The following NECTIN3 variants were observed in gnomAD, a reference collection of about 807,000 sequenced individuals.
NECTIN3 encodes nectin-3.
A neutral mutation model predicts 49.4 loss-of-function variants in NECTIN3; 8 were observed. The observed-to-expected ratio is 0.16, with a 90% CI of 0.10 to 0.29. NECTIN3 has a LOEUF of 0.29. NECTIN3 is among the 10% of genes least tolerant of loss of function. The pLI, the probability that NECTIN3 is intolerant of heterozygous loss-of-function variation, is 1.00. For synonymous variants in NECTIN3, 277 were observed against 241.1 expected, an observed-to-expected ratio of 1.15 and a Z score of -1.38; for missense variants, 581 against 654.6, an observed-to-expected ratio of 0.89 and a Z score of 1.23.
At chr3:111,160,788 A>C (rs932479226) in intron 7 of NECTIN3, among the ~76,000 whole-genome samples, 25 of 152,304 alleles carry the variant, frequency 1.6e-4, no homozygotes, top group African/African-American at 6.0e-4. Flanking sequence ...CAGGCGGATC[A>C]CGAGGTCGGG....
chr3:111,073,402 T>C (rs1177122690), intron 1 of NECTIN3: 1 of 152,302 alleles, frequency 6.6e-6, no homozygotes, highest in East Asian at 1.9e-4. Context: ...TGGGATTGAG[T>C]GTCTCTTCTG....
intron 6 of NECTIN3, among the ~76,000 whole-genome samples, chr3:111,146,797 CTT>C (rs2034886201): frequency 2.0e-5 from 3 of 152,128 alleles, no homozygotes; most frequent in Admixed American, 6.5e-5. Flanking sequence ...TTAAAACTAT[CTT>C]TGTTATAAGT....
At chr3:111,114,910 G>T (rs2107455634) in intron 2 of NECTIN3, among the ~76,000 whole-genome samples, 1 of 152,180 alleles carries the variant, frequency 6.6e-6, no homozygotes, top group South Asian at 2.1e-4. Context: ...AGGGCTAACG[G>T]CAGGACTTAA....
At chr3:111,081,327 C>T (rs1003452268) in intron 1 of NECTIN3, among the ~76,000 whole-genome samples, 1 of 152,162 alleles carries the variant, frequency 6.6e-6, no homozygotes, top group African/African-American at 2.4e-5. Context: ...AAACCACAAC[C>T]CTACAAAGCA....
At chr3:111,175,032 G>C (rs2035501619) in intron 7 of NECTIN3, among the ~76,000 whole-genome samples, 1 of 152,178 alleles carries the variant, frequency 6.6e-6, no homozygotes, top group African/African-American at 2.4e-5. Flanking sequence ...ATGGGGAGCT[G>C]GCAGCGGGGA....
At chr3:111,138,567 A>G (rs555548850), downstream of NECTIN3, among the ~76,000 whole-genome samples, 5 of 151,682 alleles carry the variant, frequency 3.3e-5, no homozygotes, top group South Asian at 8.3e-4. Flanking sequence ...TTTGCCTTGT[A>G]TTCCCTTAGG....
At position 111,118,668 on chromosome 3, in the gene NECTIN3, T is replaced by C; in HGVS notation, c.515T>C (p.Val172Ala). Reference sequence around the variant, plus strand: ...AATATTTAAACAGTTGAACCCACTGTGAGCCTGATAAAAGGGCCAGATTCT... The same window carrying C: ...AATATTTAAACAGTTGAACCCACTGCGAGCCTGATAAAAGGGCCAGATTCT... The part of the protein sequence containing the change: ...TTVTVLVEPT[V>A]SLIKGPDSLI... Residue 172 changes from valine (V) to alanine (A), a missense_variant, in exon 3 of 6, where the codon GTG becomes GCG. Val to Ala is a moderately conservative substitution (Grantham distance 64, BLOSUM62 0). Coordinates refer to ENST00000485303, the MANE Select transcript of NECTIN3 (RefSeq NM_015480.3). 1 of 1,599,426 alleles carries C rather than the reference T, an allele frequency of 6.3e-7. No individual in the cohort carries two copies. The highest frequency in any genetic ancestry group is 8.5e-7 in the Non-Finnish European group (1 of 1,171,820).
rs76078145 is a variant in NECTIN3 at position 111,076,467 on chromosome 3, A to G, written c.160+4290A>G. On this transcript the variant is annotated intron_variant, in intron 1 of 5. Coordinates refer to ENST00000485303, the MANE Select transcript of NECTIN3 (RefSeq NM_015480.3). ...TAAAAATCAAATAACAGTTAAGTCA[A>G]TAATGAAACTTTAAAGACAGTTTTG... Among the ~76,000 whole-genome samples, 680 of 152,266 alleles carry G rather than the reference A, an allele frequency of 4.5e-3. 6 individuals are homozygous for G. The highest frequency in any genetic ancestry group is 0.015 in the African/African-American group (631 of 41,570).
intron 5 of NECTIN3, among the ~76,000 whole-genome samples, chr3:111,129,954 ATTT>A (rs547491944): frequency 3.8e-5 from 5 of 131,552 alleles, no homozygotes; most frequent in Admixed American, 1.5e-4. Context: ...CCAGCAGAGA[ATTT>A]TTTTTTTTTT....
intron 7 of NECTIN3, among the ~76,000 whole-genome samples, chr3:111,148,956 A>G (rs2034940970): frequency 6.6e-6 from 1 of 152,076 alleles, no homozygotes; most frequent in Non-Finnish European, 1.5e-5. Flanking sequence ...TCCTTGAACT[A>G]GAATGTAGAA....
rs559149430 is a variant in NECTIN3, at chr3:111,176,687, G to A, written c.1222-15664G>A. On this transcript the variant is annotated intron_variant, in intron 7 of 8. Transcript: ENST00000493615. ...TTTATTTTCTTTTTTTTTTCTTCTGGGAAAATGTTGAAAAATATCATTCAA... is the reference window on the plus strand; with the variant it reads ...TTTATTTTCTTTTTTTTTTCTTCTGAGAAAATGTTGAAAAATATCATTCAA... Among the ~76,000 whole-genome samples the A allele has an allele frequency of 2.0e-5, 3 of 150,668 alleles. No homozygotes were observed. The South Asian group carries it at 6.3e-4, about 32-fold the overall frequency.
At chr3:111,184,899 CT>C (rs2035691621) in intron 7 of NECTIN3, among the ~76,000 whole-genome samples, 1 of 152,208 alleles carries the variant, frequency 6.6e-6, no homozygotes, top group African/African-American at 2.4e-5. Flanking sequence ...TCTTCTAGAG[CT>C]ACTTTAGCCT....
At chr3:111,096,982 C>T (rs2032623659) in intron 1 of NECTIN3, among the ~76,000 whole-genome samples, 1 of 152,166 alleles carries the variant, frequency 6.6e-6, no homozygotes, top group South Asian at 2.1e-4. Context: ...AGAAGAGGGC[C>T]ACTGTCCTCC....
upstream of NECTIN3, among the ~76,000 whole-genome samples, chr3:111,192,173 T>A (rs1219896463): frequency 6.6e-6 from 1 of 152,156 alleles, no homozygotes; most frequent in East Asian, 1.9e-4. Context: ...CAGGAGAGAG[T>A]GAGTGAAACT....
At chr3:111,126,093 C>G (rs2107478418) in intron 4 of NECTIN3, 91 bp from the exon 5 acceptor site, 3 of 880,002 alleles carry the variant, frequency 3.4e-6, no homozygotes, top group Non-Finnish European at 4.7e-6. Context: ...TTTTGACTAA[C>G]ATCTCAAACA....
chr3:111,158,364 G>T (rs1047588611), intron 7 of NECTIN3, among the ~76,000 whole-genome samples: 1 of 151,992 alleles, frequency 6.6e-6, no homozygotes. Context: ...TTTACGGAAG[G>T]TAATAATCTC....
intron 3 of NECTIN3, among the ~76,000 whole-genome samples, chr3:111,121,602 C>A (rs1053484665): frequency 6.6e-6 from 1 of 152,058 alleles, no homozygotes; most frequent in Non-Finnish European, 1.5e-5. Context: ...TCTCTACATG[C>A]CCCCAATATA....
At chr3:111,172,277 A>G (rs1045147266) in intron 7 of NECTIN3, among the ~76,000 whole-genome samples, 9 of 152,172 alleles carry the variant, frequency 5.9e-5, no homozygotes, top group Non-Finnish European at 8.8e-5. Context: ...ACACAAGCAT[A>G]CCCACACATC....
chr3:111,120,482 A>G (rs1428326605), intron 3 of NECTIN3, among the ~76,000 whole-genome samples: 2 of 152,212 alleles, frequency 1.3e-5, no homozygotes, highest in Non-Finnish European at 2.9e-5. Flanking sequence ...GCCTAAACTC[A>G]CAGGTATCTG....
Sources: gnomAD v4.1 joint callset for allele counts (sites outside exome capture counted in the v4.1 genomes callset) on GRCh38, gnomAD v4.1.1 for gene constraint, MANE v1.5 for transcripts, NCBI Gene and HGNC (gene_info 2026-07-23, HGNC 2026-07-21) for gene names.